The following GRB7 variants were observed in gnomAD, a reference collection of about 807,000 sequenced individuals.
The protein encoded by GRB7 is growth factor receptor-bound protein 7.
GRB7 carries 47 observed loss-of-function variants against 64.1 expected under a neutral mutation model. That is an observed-to-expected ratio of 0.73 (90% CI 0.58 to 0.94). The LOEUF (loss-of-function observed/expected upper bound fraction) is 0.94, where lower values mean the gene tolerates loss of function less well. GRB7 is among the 40% of genes least tolerant of loss of function. The pLI is 0.00. For missense variants in GRB7, 634 were observed against 718.4 expected (o/e 0.88, Z 1.34); for synonymous variants, 277 against 279.9 (o/e 0.99, Z 0.10).
At chr17:39,741,492 A>G (rs973231359) in intron 1 of GRB7, among the ~76,000 whole-genome samples, 1 of 152,224 alleles carries the variant, frequency 6.6e-6, no homozygotes, top group African/African-American at 2.4e-5. Flanking sequence ...GGGCAGGCCA[A>G]ACCTCGCCAA....
In GRB7 at chr17:39,743,286, G is replaced by C. The variant is rs2060013584; in HGVS notation, c.570G>C (p.Leu190=). 1.2e-6 allele frequency: 2 copies of C among 1,614,222 alleles called. No homozygotes were observed. The highest frequency in any genetic ancestry group is 1.7e-6 in the Non-Finnish European group (2 of 1,180,040). Residue 190 remains leucine, a synonymous_variant, in exon 5 of 15, where the codon CTG becomes CTC. Coordinates refer to ENST00000309156, the MANE Select transcript of GRB7 (RefSeq NM_005310.5). ...VFRKNFAKYE[L]FKSSPHSLFP... ...GGAAAAACTTCGCCAAGTACGAACTGTTCAAGAGCTCCCCAGTGAGTGCAT... is the reference window on the plus strand; with the variant it reads ...GGAAAAACTTCGCCAAGTACGAACTCTTCAAGAGCTCCCCAGTGAGTGCAT...
chr17:39,742,192 G>C (rs112233167), intron 1 of GRB7, 60 bp from the exon 2 acceptor site: 2 of 1,220,508 alleles, frequency 1.6e-6, no homozygotes, highest in Admixed American at 1.7e-5. Flanking sequence ...AAACTCTGAG[G>C]GGCACCCTAA....
chr17:39,744,683 T>C lies in GRB7; in HGVS notation c.912+20T>C, dbSNP rs753598221. 6.4e-7 allele frequency: 1 copy of C among 1,566,196 alleles called. No individual in the cohort carries two copies. The highest frequency in any genetic ancestry group is 1.4e-5 in the African/African-American group (1 of 73,692). On this transcript the variant is annotated intron_variant, in intron 8 of 14. Transcript: ENST00000309156. ...GTCAAGGTGAAGACCTGGCCAGGCC[T>C]GGCCCCTGGCCTGGGGAAGCAGGAA...
Position 39,742,463 on chromosome 17 carries a change from T to G in GRB7, c.155+7T>G, listed in dbSNP as rs774353984. On this transcript the variant is annotated splice_region_variant and intron_variant, in intron 2 of 14. Transcript: ENST00000309156. ...TCATCCCAACCACCGGCAGGTACGA[T>G]GGGGCGTGGGGCTTGGGGGAGGTCA... The G allele has an allele frequency of 6.2e-7, 1 of 1,613,500 alleles. No individual in the cohort carries two copies. The highest frequency in any genetic ancestry group is 8.5e-7 in the Non-Finnish European group (1 of 1,179,804).
rs2060002310 is a variant in GRB7, at chr17:39,742,368, A to AC, written c.71dup (p.Pro25SerfsTer8). On this transcript the variant is annotated frameshift_variant, in exon 2 of 15. Transcript: ENST00000309156. LOFTEE classifies it high-confidence loss of function. The stretch of plus-strand genomic sequence containing the variant: ...GGAAGACCTTTGCCCAGCCCCTGGG[A>AC]CCCCTCCTGGGACTCCCCGGCCCCC... 1 of 1,613,660 alleles carries AC rather than the reference A, an allele frequency of 6.2e-7. No individual in the cohort carries two copies. The highest frequency in any genetic ancestry group is 8.5e-7 in the Non-Finnish European group (1 of 1,179,830).
chr17:39,741,960 A>C (rs1238192251), intron 1 of GRB7, among the ~76,000 whole-genome samples: 1 of 126,428 alleles, frequency 7.9e-6, no homozygotes, highest in Non-Finnish European at 1.6e-5. Context: ...CAGTGAGTGG[A>C]GATGACGCCG....
intron 1 of GRB7, among the ~76,000 whole-genome samples, chr17:39,741,908 G>A (rs1466287942): frequency 7.1e-6 from 1 of 141,074 alleles, no homozygotes; most frequent in Non-Finnish European, 1.5e-5. Context: ...TACTCGGGAG[G>A]TTAAGGCACG....
At chr17:39,745,015 G>C in intron 9 of GRB7, 31 bp downstream of exon 9, 4 of 1,561,452 alleles carry the variant, frequency 2.6e-6, no homozygotes, top group Non-Finnish European at 3.5e-6. Context: ...TGGGGGGCTG[G>C]CCTGGCCAGA....
chr17:39,739,205 G>C (rs2059975476), intron 1 of GRB7, among the ~76,000 whole-genome samples: 1 of 140,100 alleles, frequency 7.1e-6, no homozygotes, highest in Non-Finnish European at 1.5e-5. Flanking sequence ...CTTTTGGTCC[G>C]CCGGTCTTGG....
Position 39,744,948 on chromosome 17 carries a change from C to T in GRB7, c.975C>T (p.Ser325=). ...TCTTCTGCAGTGAAGATGAGCAGAG[C>T]CGCACCTGCTGGCTGGCTGCCTTCC... ...LRIFCSEDEQ[S]RTCWLAAFRL... is the part of the protein sequence containing the mutation. Residue 325 remains serine (S), a synonymous_variant, in exon 9 of 15, where the codon AGC becomes AGT. Coordinates refer to ENST00000309156, the MANE Select transcript of GRB7 (RefSeq NM_005310.5). 6.2e-7 allele frequency: 1 copy of T among 1,614,000 alleles called. No homozygotes were observed. Among genetic ancestry groups the T allele is most frequent in the Non-Finnish European group, 8.5e-7 (1 of 1,179,938 alleles).
At position 39,741,605 on chromosome 17, in the gene GRB7, G is replaced by A. The variant is rs114813907; in HGVS notation, c.-50-647G>A. The stretch of plus-strand genomic sequence containing the variant: ...CCCCACACGTGGAGGCAAAGGAGTG[G>A]GCCTTTGCCCTGACCCTGAGGGCTG... On this transcript the variant is annotated intron_variant, in intron 1 of 14. Transcript: ENST00000309156. Among the ~76,000 whole-genome samples the A allele has an allele frequency of 2.7e-3, 415 of 152,308 alleles. 2 individuals are homozygous for A. The highest frequency in any genetic ancestry group is 9.8e-3 in the African/African-American group (409 of 41,536).
intron 11 of GRB7, 32 bp downstream of exon 11, chr17:39,745,570 C>T: frequency 6.3e-7 from 1 of 1,586,196 alleles, no homozygotes; most frequent in Non-Finnish European, 8.6e-7. Flanking sequence ...TGTGTTTGTG[C>T]TGGGGACCCA....
intron 1 of GRB7, among the ~76,000 whole-genome samples, chr17:39,740,928 G>A (rs1193580805): frequency 6.6e-6 from 1 of 152,150 alleles, no homozygotes. Flanking sequence ...TGGCCTCATA[G>A]TACTGGCCCA....
chr17:39,746,227 T>C (rs1453573085), intron 14 of GRB7, 25 bp downstream of exon 14: 1 of 1,586,732 alleles, frequency 6.3e-7, no homozygotes, highest in African/African-American at 1.3e-5. Flanking sequence ...GTCCCCGGAG[T>C]CCTGCAATGA....
intron 9 of GRB7, 94 bp from the exon 10 acceptor site, chr17:39,745,149 C>A: frequency 1.6e-6 from 2 of 1,222,962 alleles, no homozygotes; most frequent in Non-Finnish European, 1.2e-6. Context: ...AGAAACACAG[C>A]CCTGGTCTGG....
chr17:39,746,775 T>G lies in GRB7; in HGVS notation c.1477T>G (p.Phe493Val). 1 of 1,614,130 alleles carries G rather than the reference T, an allele frequency of 6.2e-7. No individual in the cohort carries two copies. Among genetic ancestry groups the G allele is most frequent in the Non-Finnish European group, 8.5e-7 (1 of 1,180,030 alleles). ...GAGCGAGGAGGAGGGCCGCCTGTAC[T>G]TCAGCATGGATGATGGCCAGACCCG... ...LPSEEEGRLY[F>V]SMDDGQTRFT... Residue 493 changes from phenylalanine (F) to valine (V), a missense_variant, in exon 15 of 15, where the codon TTC (phenylalanine) becomes GTC (valine). Transcript: ENST00000309156.
rs34715089 is a variant in GRB7, at chr17:39,745,592, G to T, written c.1209+54G>T. 6,464 of 1,571,252 alleles carry T rather than the reference G, an allele frequency of 4.1e-3. 258 individuals are homozygous for T. The African/African-American group carries it at 0.078, about 19-fold the overall frequency. ...GTGCTGGGGACCCACTCTCTGGGTG[G>T]GATCCCTGAAATAGGAGGGAGGAAG... On this transcript the variant is annotated intron_variant, in intron 11 of 14. Coordinates refer to ENST00000309156, the MANE Select transcript of GRB7 (RefSeq NM_005310.5).
Position 39,744,102 on chromosome 17 carries a change from C to A in GRB7, c.696C>A (p.Ile232=). 1 of 1,614,180 alleles carries A rather than the reference C, an allele frequency of 6.2e-7. No individual in the cohort carries two copies. Among genetic ancestry groups the A allele is most frequent in the Non-Finnish European group, 8.5e-7 (1 of 1,180,024 alleles). ...NFLNAGSFPE[I]QGFLQLRGSG... is the part of the protein sequence containing the mutation. ...TGAATGCTGGCAGCTTTCCTGAGAT[C>A]CAGGGCTTTCTGCAGCTGCGGGGTT... The change falls in exon 7 of 15, where the codon ATC becomes ATA. Residue 232 remains isoleucine (I), a synonymous_variant. Coordinates refer to ENST00000309156, the MANE Select transcript of GRB7 (RefSeq NM_005310.5).
chr17:39,742,277 T>C lies in GRB7; in HGVS notation c.-25T>C. Reference sequence around the variant, plus strand: ...GACAAGGGCACACAACTGGTTCCGTTAAGCCCCTCTCTTGCTCAGACGCCA... The same window carrying C: ...GACAAGGGCACACAACTGGTTCCGTCAAGCCCCTCTCTTGCTCAGACGCCA... On this transcript the variant is annotated 5_prime_UTR_variant, in exon 2 of 15. Transcript: ENST00000309156. The C allele has an allele frequency of 1.2e-6, 2 of 1,613,852 alleles. No homozygotes were observed. Among genetic ancestry groups the C allele is most frequent in the South Asian group, 2.2e-5 (2 of 91,070 alleles).
Sources: gnomAD v4.1 joint callset for allele counts (sites outside exome capture counted in the v4.1 genomes callset) on GRCh38, gnomAD v4.1.1 for gene constraint, MANE v1.5 for transcripts, NCBI Gene and HGNC (gene_info 2026-07-23, HGNC 2026-07-21) for gene names.